The following ZNF236 variants were observed in gnomAD, a reference collection of about 807,000 sequenced individuals.
ZNF236 encodes regulated by glucose.
Under a neutral mutation model 191.2 loss-of-function variants are expected in ZNF236, and 50 were observed. The ratio of observed to expected loss-of-function variants is 0.26; its 90% CI spans 0.21 to 0.33. The LOEUF is 0.33. Among genes scored for constraint, ZNF236 ranks in the 10% least tolerant of loss-of-function variants. ZNF236 has a pLI of 1.00. For synonymous variants in ZNF236, 907 were observed against 928.8 expected (o/e 0.98, Z 0.43); for missense variants, 1,754 against 2,374.5 (o/e 0.74, Z 5.43).
chr18:76,899,429 C>A (rs1026029430), intron 11 of ZNF236, among the ~76,000 whole-genome samples: 1 of 152,176 alleles, frequency 6.6e-6, no homozygotes, highest in African/African-American at 2.4e-5. Context: ...CAAACTACTG[C>A]TCAAATTGTT....
chr18:76,826,403 C>T (rs547327906), intron 1 of ZNF236, among the ~76,000 whole-genome samples: 4 of 149,694 alleles, frequency 2.7e-5, no homozygotes, highest in South Asian at 2.2e-4. Context: ...GGATTATAGG[C>T]GTGAGCTACC....
At chr18:76,853,159 A>G (rs990656410) in intron 3 of ZNF236, among the ~76,000 whole-genome samples, 2 of 151,558 alleles carry the variant, frequency 1.3e-5, no homozygotes, top group African/African-American at 4.8e-5. Context: ...ACTCACTTCA[A>G]CCTCTGCCTC....
At chr18:76,891,298 T>C (rs1977226029) in intron 9 of ZNF236, among the ~76,000 whole-genome samples, 2 of 152,252 alleles carry the variant, frequency 1.3e-5, no homozygotes, top group Admixed American at 1.3e-4. Flanking sequence ...TTAATGACTT[T>C]AGGCTTGGGT....
Position 76,968,433 on chromosome 18 carries a change from TA to T in ZNF236, c.*99del. Reference sequence around the variant, plus strand: ...ATCTCCGTTTTAAAGCTTCAAGTGTTAAAAATGCTACAATAGTTTTTTATCT... The same window carrying T: ...ATCTCCGTTTTAAAGCTTCAAGTGTTAAAATGCTACAATAGTTTTTTATCT... On this transcript the variant is annotated 3_prime_UTR_variant, in exon 31 of 31. Transcript: ENST00000320610. 1 of 1,524,318 alleles carries T rather than the reference TA, an allele frequency of 6.6e-7. No homozygotes were observed. 94.4% of individuals were successfully genotyped at this position (1,524,318 alleles called of 1,614,324 possible). A position where few individuals can be genotyped will look rare whatever the true frequency, so the allele number is the denominator to read the frequency against.
Position 76,824,517 on chromosome 18 carries a change from C to T in ZNF236, c.55+1855C>T. On this transcript the variant is annotated intron_variant, in intron 1 of 30. Coordinates refer to ENST00000320610, the MANE Select transcript of ZNF236 (RefSeq NM_001306089.2). ...TGCCTCTCCCGCTTTTGAGTTTTGG[C>T]CTTGACCTTATTTCGTTAGTTTAAT... 3.9e-6 allele frequency: 3 copies of T among 773,816 alleles called. No homozygotes were observed. The South Asian group carries it at 4.1e-5, about 10-fold the overall frequency. 47.9% of individuals were successfully genotyped at this position (773,816 alleles called of 1,614,324 possible).
At chr18:76,955,219 G>A (rs1306732476) in intron 27 of ZNF236, among the ~76,000 whole-genome samples, 1 of 152,044 alleles carries the variant, frequency 6.6e-6, no homozygotes, top group East Asian at 1.9e-4. Context: ...ACCAACCTAG[G>A]CAACATAGGG....
chr18:76,846,488 C>G (rs1182616298), intron 1 of ZNF236, among the ~76,000 whole-genome samples: 1 of 152,216 alleles, frequency 6.6e-6, no homozygotes, highest in Non-Finnish European at 1.5e-5. Context: ...AGGGAACTGG[C>G]TCCCTGTACA....
intron 27 of ZNF236, 71 bp downstream of exon 27, chr18:76,947,723 G>A (rs1968299353): frequency 1.9e-6 from 3 of 1,547,448 alleles, no homozygotes; most frequent in African/African-American, 2.7e-5. Context: ...AGGGATGGTG[G>A]TAGAGGGTTA....
At chr18:76,912,410 G>A in intron 17 of ZNF236, 63 bp downstream of exon 17, 1 of 1,239,382 alleles carries the variant, frequency 8.1e-7, no homozygotes, top group Non-Finnish European at 1.2e-6. Flanking sequence ...GCTGCTGTGT[G>A]TTTGCCCCGC....
intron 5 of ZNF236, 65 bp downstream of exon 5, chr18:76,871,890 T>G (rs1976593999): frequency 3.8e-6 from 6 of 1,589,218 alleles, no homozygotes; most frequent in Non-Finnish European, 4.3e-6. Context: ...GGTGCCTTTT[T>G]GCTAGCTCGA....
chr18:76,923,997 G>A (rs1489890532), intron 21 of ZNF236, among the ~76,000 whole-genome samples: 1 of 152,080 alleles, frequency 6.6e-6, no homozygotes, highest in Non-Finnish European at 1.5e-5. Flanking sequence ...TTCATTGTTG[G>A]TTATAAGCAG....
intron 20 of ZNF236, among the ~76,000 whole-genome samples, chr18:76,920,919 T>G (rs1272087296): frequency 1.3e-5 from 2 of 152,232 alleles, no homozygotes; most frequent in African/African-American, 4.8e-5. Flanking sequence ...GTATCAGCGT[T>G]CTCCTGAAGA....
chr18:76,889,396 G>C (rs547455849), intron 9 of ZNF236, among the ~76,000 whole-genome samples: 43 of 152,254 alleles, frequency 2.8e-4, no homozygotes, highest in Admixed American at 1.3e-3. Context: ...TTCTCCCCTA[G>C]ACCACAGTCC....
Position 76,925,269 on chromosome 18 carries a change from A to G in ZNF236, c.3742A>G (p.Thr1248Ala), listed in dbSNP as rs773771275. The stretch of plus-strand genomic sequence containing the variant: ...TCTGAAGGTCCACATGCGCCTGCAC[A>G]CGGGAGCCAAGCCCTTCAAATGCCC... ...GSLKVHMRLH[T>A]GAKPFKCPHC... Residue 1248 changes from threonine to alanine, a missense_variant, in exon 22 of 31, where the codon ACG becomes GCG. Physicochemically the swap from Thr to Ala is moderately conservative, Grantham distance 58. Coordinates refer to ENST00000320610, the MANE Select transcript of ZNF236 (RefSeq NM_001306089.2). The surrounding 1 kb of genome is among the most constrained non-coding windows in gnomAD (Gnocchi z 5.7). The G allele has an allele frequency of 6.2e-7, 1 of 1,614,210 alleles. No homozygotes were observed. The highest frequency in any genetic ancestry group is 8.5e-7 in the Non-Finnish European group (1 of 1,180,042).
rs190954115 is a variant in ZNF236, at chr18:76,879,253, C to G, written c.985-860C>G. Among the ~76,000 whole-genome samples the G allele has an allele frequency of 2.0e-3, 305 of 152,172 alleles. 1 individual carries two copies. Among genetic ancestry groups the G allele is most frequent in the African/African-American group, 7.1e-3 (294 of 41,520 alleles). ...AATGTAATTATAGGGATTTAGAAAC[C>G]TGGAATCTCCCTTATACTCTTACTT... On this transcript the variant is annotated intron_variant, in intron 7 of 30. Coordinates refer to ENST00000320610, the MANE Select transcript of ZNF236 (RefSeq NM_001306089.2).
At chr18:76,842,665 C>A (rs140288224) in intron 1 of ZNF236, among the ~76,000 whole-genome samples, 1 of 151,780 alleles carries the variant, frequency 6.6e-6, no homozygotes, top group Non-Finnish European at 1.5e-5. Flanking sequence ...GCAGGAGAAT[C>A]GCTTGAACCC....
At chr18:76,921,618 G>A (rs1449803738) in intron 20 of ZNF236, among the ~76,000 whole-genome samples, 1 of 152,092 alleles carries the variant, frequency 6.6e-6, no homozygotes, top group Non-Finnish European at 1.5e-5. Flanking sequence ...AGCAGTTTGT[G>A]ACCTGCCTGT....
At chr18:76,853,120 C>T (rs1975930402) in intron 3 of ZNF236, among the ~76,000 whole-genome samples, 1 of 151,740 alleles carries the variant, frequency 6.6e-6, no homozygotes, top group Non-Finnish European at 1.5e-5. Context: ...CTTTTGTTGC[C>T]CAGGCTGGAG....
Position 76,871,749 on chromosome 18 carries a change from C to T in ZNF236, c.591C>T (p.Phe197=). 6.2e-7 allele frequency: 1 copy of T among 1,614,190 alleles called. No individual in the cohort carries two copies. The highest frequency in any genetic ancestry group is 1.6e-4 in the Middle Eastern group (1 of 6,062). ...ACCGGAATATCGACAGAAGTGGATT[C>T]ACGTATTCGTGTCCGCACTGTGGAA... ...SYNRNIDRSG[F]TYSCPHCGKT... is the part of the protein sequence containing the mutation. Residue 197 remains phenylalanine (F), a synonymous_variant, in exon 5 of 31, where the codon TTC becomes TTT. Transcript: ENST00000320610.
Sources: gnomAD v4.1 joint callset for allele counts (sites outside exome capture counted in the v4.1 genomes callset) on GRCh38, gnomAD v4.1.1 for gene constraint, Gnocchi (gnomAD v3.1) non-coding constraint, MANE v1.5 for transcripts, NCBI Gene and HGNC (gene_info 2026-07-23, HGNC 2026-07-21) for gene names.